KIF13A: variants seen among roughly 807,000 people sequenced by gnomAD.
KIF13A encodes the protein kinesin family member 13A, also known as kinesin-like protein KIF13A.
In KIF13A, 79 loss-of-function variants were observed where a neutral mutation model predicts 212.2. The ratio of observed to expected loss-of-function variants is 0.37; its 90% CI spans 0.31 to 0.45. The LOEUF (loss-of-function observed/expected upper bound fraction) is 0.45. Ranked by LOEUF, KIF13A falls within the 20% of genes least tolerant of loss-of-function variation. KIF13A has a pLI of 1.00. For missense variants in KIF13A, 1,901 were observed against 2,209.0 expected (o/e 0.86, Z 2.79); for synonymous variants, 789 against 808.6 (o/e 0.98, Z 0.41).
chr6:17,771,848 G>T lies in KIF13A; in HGVS notation c.4476+60C>A. On this transcript the variant is annotated intron_variant, in intron 37 of 38. Transcript: ENST00000259711. The surrounding 1 kb of genome is among the most constrained non-coding windows in gnomAD (Gnocchi z 5.4). The stretch of plus-strand genomic sequence containing the variant: ...ACTCAGCTTGTTAATGCACACTGCT[G>T]CTTCACAGGTGACACAACTCTGCTC... 6.5e-7 allele frequency: 1 copy of T among 1,543,378 alleles called. No individual in the cohort carries two copies. The highest frequency in any genetic ancestry group is 8.9e-7 in the Non-Finnish European group (1 of 1,121,234).
rs530656069 is a variant in KIF13A at position 17,829,785 on chromosome 6, G to T, written c.1401+1316C>A. Among the ~76,000 whole-genome samples the T allele has an allele frequency of 2.2e-4, 33 of 152,200 alleles. 1 individual carries two copies. In the South Asian group the frequency reaches 6.6e-3, roughly 31 times the overall value. ...TTGTTGGGGGACTCTCAATAACTCA[G>T]GGGCTATTTGTACCAAATTTACACC... On this transcript the variant is annotated intron_variant, in intron 13 of 38. Coordinates refer to ENST00000259711, the MANE Select transcript of KIF13A (RefSeq NM_022113.6). This position sits in a 1 kb window ranked among gnomAD's most constrained non-coding sequence, Gnocchi z 5.4.
rs1779479104 is a variant in KIF13A, at chr6:17,968,046, T to C, written c.146+19008A>G. On this transcript the variant is annotated intron_variant, in intron 2 of 38. Coordinates refer to ENST00000259711, the MANE Select transcript of KIF13A (RefSeq NM_022113.6). The surrounding 1 kb of genome is among the most constrained non-coding windows in gnomAD (Gnocchi z 4.7). ...GCATACTGAGAATTGCCCACAATGCTGAGAACCCCTGGGGGACTGACAAAC... is the reference window on the plus strand; with the variant it reads ...GCATACTGAGAATTGCCCACAATGCCGAGAACCCCTGGGGGACTGACAAAC... 6.6e-6 allele frequency among the ~76,000 whole-genome samples: 1 copy of C among 152,156 alleles called. No individual in the cohort carries two copies. The highest frequency in any genetic ancestry group is 1.5e-5 in the Non-Finnish European group (1 of 68,026).
At position 17,906,458 on chromosome 6, in the gene KIF13A, T is replaced by C. The variant is rs1303421920; in HGVS notation, c.147-8278A>G. Among the ~76,000 whole-genome samples the C allele has an allele frequency of 7.5e-5, 11 of 147,552 alleles. 1 individual carries two copies. The highest frequency in any genetic ancestry group is 2.7e-4 in the African/African-American group (11 of 40,166). ...CCTTTTTCTCTTTCTTTCTTCTTTT[T>C]TTTTTTTTTGGAGGAGATCTCACTC... On this transcript the variant is annotated intron_variant, in intron 2 of 38. Transcript: ENST00000259711.
chr6:17,908,554 T>C (rs2150499837), intron 2 of KIF13A, among the ~76,000 whole-genome samples: 1 of 152,186 alleles, frequency 6.6e-6, no homozygotes, highest in African/African-American at 2.4e-5. Context: ...CAGTGAGCCA[T>C]GGTCATGCCA....
chr6:17,830,702 TG>T (rs1765372017), intron 13 of KIF13A, among the ~76,000 whole-genome samples: 1 of 151,942 alleles, frequency 6.6e-6, no homozygotes, highest in Admixed American at 6.6e-5. Flanking sequence ...AGGCTTGTGT[TG>T]ATCTTGAGAT....
intron 25 of KIF13A, among the ~76,000 whole-genome samples, chr6:17,790,968 C>T (rs1271930588): frequency 1.3e-5 from 2 of 152,158 alleles, no homozygotes; most frequent in Non-Finnish European, 2.9e-5. Context: ...AAAGTAATCA[C>T]GTTGAAAACA....
At chr6:17,817,272 G>T in intron 16 of KIF13A, 39 bp from the exon 17 acceptor site, 1 of 1,576,556 alleles carries the variant, frequency 6.3e-7, no homozygotes, top group African/African-American at 1.3e-5. Flanking sequence ...TCTTAGTGGC[G>T]GCTAAAACAA....
At chr6:17,761,327 G>A (rs186658862), downstream of KIF13A, among the ~76,000 whole-genome samples, 15 of 152,218 alleles carry the variant, frequency 9.9e-5, no homozygotes, top group East Asian at 2.7e-3. Context: ...CGATCTTCCT[G>A]CTCTGGTCTC....
In KIF13A at chr6:17,764,947, C is replaced by T; in HGVS notation, c.4582-1G>A. 6.3e-7 allele frequency: 1 copy of T among 1,592,290 alleles called. No individual in the cohort carries two copies. The highest frequency in any genetic ancestry group is 1.1e-5 in the South Asian group (1 of 87,552). ...GCTCATTTTCTTCCTCCTCAGAGTC[C>T]TATAGAAGTGAAGCAAAAGTCAGTC... On this transcript the variant is annotated splice_acceptor_variant, in intron 38 of 38. Coordinates refer to ENST00000259711, the MANE Select transcript of KIF13A (RefSeq NM_022113.6). LOFTEE classifies it high-confidence loss of function. The surrounding 1 kb of genome is among the most constrained non-coding windows in gnomAD (Gnocchi z 5.1).
Position 17,784,001 on chromosome 6 carries a change from T to C in KIF13A, c.3489-300A>G, listed in dbSNP as rs180868608. On this transcript the variant is annotated intron_variant, in intron 28 of 38. Transcript: ENST00000259711. ...AAGGGAAGGGGGGATGTTGTTAGGG[T>C]GGTAACGGGACAGGATCAGAGCCTA... Among the ~76,000 whole-genome samples, 433 of 152,086 alleles carry C rather than the reference T, an allele frequency of 2.8e-3. 2 individuals carry two copies. Among genetic ancestry groups the C allele is most frequent in the Admixed American group, 0.015 (234 of 15,274 alleles).
chr6:17,841,960 CAT>C (rs1491293369), intron 9 of KIF13A, among the ~76,000 whole-genome samples: 15 of 151,406 alleles, frequency 9.9e-5, no homozygotes, highest in African/African-American at 1.7e-4. Flanking sequence ...CACACACACA[CAT>C]ACATGTAAGT....
chr6:17,939,514 A>G (rs1776762240), intron 2 of KIF13A, among the ~76,000 whole-genome samples: 1 of 152,218 alleles, frequency 6.6e-6, no homozygotes, highest in Admixed American at 6.5e-5. Flanking sequence ...TCTTGAATGT[A>G]GCAAGGGCTG....
chr6:17,852,158 T>C, intron 6 of KIF13A, 116 bp from the exon 7 acceptor site: 1 of 456,442 alleles, frequency 2.2e-6, no homozygotes, highest in Non-Finnish European at 3.9e-6. Flanking sequence ...AAATGACTCC[T>C]CCCCCCAACA....
In KIF13A at chr6:17,947,123, A is replaced by AAAAAACC. The variant is rs1777468829; in HGVS notation, c.146+39930_146+39931insGGTTTTT. Among the ~76,000 whole-genome samples, 1 of 152,188 alleles carries AAAAAACC rather than the reference A, an allele frequency of 6.6e-6. No homozygotes were observed. The highest frequency in any genetic ancestry group is 2.1e-4 in the South Asian group (1 of 4,838). On this transcript the variant is annotated intron_variant, in intron 2 of 38. Coordinates refer to ENST00000259711, the MANE Select transcript of KIF13A (RefSeq NM_022113.6). The surrounding 1 kb of genome is among the most constrained non-coding windows in gnomAD (Gnocchi z 4.6). Reference sequence around the variant, plus strand: ...TTAAAACCAGGCAAATATAATATTAAAGTTGTTAAATTATAAAGAAAACTA... The same window carrying AAAAAACC: ...TTAAAACCAGGCAAATATAATATTAAAAAAACCAGTTGTTAAATTATAAAGAAAACTA...
chr6:17,935,726 A>G (rs1776398866), intron 2 of KIF13A, among the ~76,000 whole-genome samples: 1 of 152,222 alleles, frequency 6.6e-6, no homozygotes, highest in African/African-American at 2.4e-5. Flanking sequence ...ATGTTTATCC[A>G]CTTCAATTTT....
At chr6:17,819,715 C>G (rs1189615565) in intron 16 of KIF13A, among the ~76,000 whole-genome samples, 1 of 152,058 alleles carries the variant, frequency 6.6e-6, no homozygotes, top group Non-Finnish European at 1.5e-5. Context: ...CTGACAAACT[C>G]CTATAACTTC....
In KIF13A at chr6:17,825,976, C is replaced by G. The variant is rs1562022850; in HGVS notation, c.1620-42G>C. 6.2e-7 allele frequency: 1 copy of G among 1,611,248 alleles called. No individual in the cohort carries two copies. The highest frequency in any genetic ancestry group is 8.5e-7 in the Non-Finnish European group (1 of 1,177,832). ...CATTAGAGAAAATCAACTTGTTTTA[C>G]ACTTAAATAGATAACAGAAAAAATG... On this transcript the variant is annotated intron_variant, in intron 15 of 38. Transcript: ENST00000259711. The surrounding 1 kb of genome is among the most constrained non-coding windows in gnomAD (Gnocchi z 4.5).
At chr6:17,933,882 TTAA>T (rs1776226203) in intron 2 of KIF13A, among the ~76,000 whole-genome samples, 1 of 152,178 alleles carries the variant, frequency 6.6e-6, no homozygotes, top group African/African-American at 2.4e-5. Context: ...GCACAGTGGC[TTAA>T]TAATCACATT....
intron 22 of KIF13A, among the ~76,000 whole-genome samples, chr6:17,798,792 T>C (rs1220102151): frequency 2.0e-5 from 3 of 152,220 alleles, no homozygotes; most frequent in Non-Finnish European, 4.4e-5. Context: ...AGAAACTCTA[T>C]ATGAAACATA....
Sources: allele counts gnomAD v4.1 joint callset (sites outside exome capture counted in the v4.1 genomes callset), GRCh38; gene constraint gnomAD v4.1.1; non-coding constraint Gnocchi (gnomAD v3.1); transcripts MANE v1.5; gene names NCBI Gene and HGNC (gene_info 2026-07-23, HGNC 2026-07-21).